The following ATG4D variants were observed in gnomAD, a reference collection of about 807,000 sequenced individuals.
ATG4D encodes the protein autophagy related 4D cysteine peptidase.
Under a neutral mutation model 55.2 loss-of-function variants are expected in ATG4D, and 51 were observed. The observed-to-expected ratio is 0.92, with a 90% CI of 0.74 to 1.17. The LOEUF (loss-of-function observed/expected upper bound fraction) is 1.17, where lower values mean the gene tolerates loss of function less well. ATG4D is among the 50% of genes most tolerant of loss of function. The pLI, the probability that ATG4D is intolerant of heterozygous loss-of-function variation, is 0.00. For synonymous variants in ATG4D, 268 were observed against 266.2 expected (o/e 1.01, Z -0.07); for missense variants, 635 against 649.6 (o/e 0.98, Z 0.25).
At position 10,544,293 on chromosome 19, in the gene ATG4D, A is replaced by C. The variant is rs750045185; in HGVS notation, c.203A>C (p.Lys68Thr). ...GACGAAGTGGACAAGTTCAAGGCCA[A>C]GTTCCTGACAGCCTGGAACAACGTC... ...EPDEVDKFKA[K>T]FLTAWNNVKY... Residue 68 changes from lysine to threonine, a missense_variant, in exon 1 of 10, where the codon AAG (lysine) becomes ACG (threonine). By Grantham distance (78) the Lys-to-Thr change is moderately conservative (BLOSUM62 -1). Coordinates refer to ENST00000309469, the MANE Select transcript of ATG4D (RefSeq NM_032885.6). 56 of 1,298,204 alleles carry C rather than the reference A, an allele frequency of 4.3e-5. No individual in the cohort carries two copies. The East Asian group carries it at 1.6e-3, about 37-fold the overall frequency. 80.4% of individuals were successfully genotyped at this position (1,298,204 alleles called of 1,614,324 possible).
In ATG4D at chr19:10,544,245, C is replaced by G. The variant is rs1915959394; in HGVS notation, c.155C>G (p.Pro52Arg). 1.6e-6 allele frequency: 2 copies of G among 1,260,884 alleles called. No homozygotes were observed. The highest frequency in any genetic ancestry group is 2.0e-6 in the Non-Finnish European group (2 of 994,706). The allele number at this position is 1,260,884 out of a possible 1,614,324, so 78.1% of individuals were successfully genotyped here. A position where few individuals can be genotyped will look rare whatever the true frequency, so the allele number is the denominator to read the frequency against. The change falls in exon 1 of 10, where the codon CCC (proline) becomes CGC (arginine). Residue 52 changes from proline to arginine, a missense_variant. By Grantham distance (103) the Pro-to-Arg change is moderately radical. Transcript: ENST00000309469. ...GCCAGCGGCCCCGCTCTTGGCTCTCCCGGGGCTGGCCCGAGTGAGCCGGAC... is the reference window on the plus strand; with the variant it reads ...GCCAGCGGCCCCGCTCTTGGCTCTCGCGGGGCTGGCCCGAGTGAGCCGGAC... ...SGASGPALGS[P>R]GAGPSEPDEV...
chr19:10,544,582 C>A (rs1397313293), intron 1 of ATG4D: 2 of 1,159,672 alleles, frequency 1.7e-6, no homozygotes, highest in Non-Finnish European at 2.3e-6. Context: ...GTACAATAAT[C>A]AGAACTACCT....
At chr19:10,546,221 G>A (rs918940925) in intron 3 of ATG4D, among the ~76,000 whole-genome samples, 8 of 151,986 alleles carry the variant, frequency 5.3e-5, no homozygotes, top group African/African-American at 1.9e-4. Context: ...CTACTCAGGA[G>A]GCTGAGGCGG....
At chr19:10,550,686 CTT>C (rs759958331) in intron 6 of ATG4D, among the ~76,000 whole-genome samples, 1 of 147,354 alleles carries the variant, frequency 6.8e-6, no homozygotes, top group African/African-American at 2.5e-5. Context: ...TTGGAGCACT[CTT>C]TCAGCAGTGA....
At chr19:10,549,738 C>T (rs555053021) in intron 6 of ATG4D, among the ~76,000 whole-genome samples, 1 of 151,490 alleles carries the variant, frequency 6.6e-6, no homozygotes, top group African/African-American at 2.4e-5. Flanking sequence ...TTTTTTTATA[C>T]TATGCAGCAC....
At position 10,553,092 on chromosome 19, in the gene ATG4D, C is replaced by T; in HGVS notation, c.*25C>T. 6.4e-7 allele frequency: 1 copy of T among 1,569,082 alleles called. No individual in the cohort carries two copies. ...AAGGGAGGGGATGAGGGGAAAGATA[C>T]AACACTATTTATTTTTTTATTTATG... On this transcript the variant is annotated 3_prime_UTR_variant, in exon 10 of 10. Coordinates refer to ENST00000309469, the MANE Select transcript of ATG4D (RefSeq NM_032885.6).
Position 10,545,001 on chromosome 19 carries a change from C to T in ATG4D, c.364C>T (p.Leu122Phe), listed in dbSNP as rs762013772. 3.1e-6 allele frequency: 5 copies of T among 1,606,390 alleles called. No homozygotes were observed. Among genetic ancestry groups the T allele is most frequent in the South Asian group, 1.1e-5 (1 of 90,308 alleles). ...FQRDFVSRLW[L>F]TYRRDFPPLP... ...GCGGGACTTTGTGTCCCGCCTGTGGCTCACATACCGCCGGGACTTCCCGCC... is the reference window on the plus strand; with the variant it reads ...GCGGGACTTTGTGTCCCGCCTGTGGTTCACATACCGCCGGGACTTCCCGCC... Residue 122 changes from leucine to phenylalanine, a missense_variant, in exon 3 of 10, where the codon CTC (leucine) becomes TTC (phenylalanine). Leu to Phe is a conservative substitution (Grantham distance 22). Transcript: ENST00000309469.
At chr19:10,551,034 G>C (rs983971659) in intron 6 of ATG4D, 1 of 152,066 alleles carries the variant, frequency 6.6e-6, no homozygotes, top group Admixed American at 6.6e-5. Flanking sequence ...TTTTGCGTGG[G>C]GGGTTTTCCA....
In ATG4D at chr19:10,543,928, G is replaced by C; in HGVS notation, c.-163G>C. On this transcript the variant is annotated 5_prime_UTR_variant, in exon 1 of 10. An upstream start codon of the reference 5' UTR is lost. Coordinates refer to ENST00000309469, the MANE Select transcript of ATG4D (RefSeq NM_032885.6). Reference sequence around the variant, plus strand: ...GGTCCTGGCCCGCTAAGATGGCGATGGCTGCGGTAGCAGCGGCGGCGGCTG... The same window carrying C: ...GGTCCTGGCCCGCTAAGATGGCGATCGCTGCGGTAGCAGCGGCGGCGGCTG... 2.4e-6 allele frequency: 1 copy of C among 420,872 alleles called. No homozygotes were observed. Among genetic ancestry groups the C allele is most frequent in the Non-Finnish European group, 4.0e-6 (1 of 252,596 alleles). 26.1% of individuals were successfully genotyped at this position (420,872 alleles called of 1,614,324 possible).
At position 10,544,044 on chromosome 19, in the gene ATG4D, G is replaced by A; in HGVS notation, c.-47G>A. On this transcript the variant is annotated 5_prime_UTR_variant, in exon 1 of 10. Transcript: ENST00000309469. ...TGCGGGTCGCCCTTGGGGGGCAGCG[G>A]CCGCAGCCCCCCACCTGGGCCCTCG... 4.1e-6 allele frequency: 5 copies of A among 1,205,120 alleles called. No individual in the cohort carries two copies. The South Asian group carries it at 2.2e-4, about 52-fold the overall frequency. The allele number at this position is 1,205,120 out of a possible 1,614,324, so 74.7% of individuals were successfully genotyped here.
At chr19:10,551,647 C>T (rs1916234941) in intron 6 of ATG4D, among the ~76,000 whole-genome samples, 1 of 148,868 alleles carries the variant, frequency 6.7e-6, no homozygotes, top group Non-Finnish European at 1.5e-5. Flanking sequence ...TTGCGGTGAG[C>T]CAATTGGGCC....
chr19:10,547,719 G>A (rs1916084488), intron 5 of ATG4D, among the ~76,000 whole-genome samples: 2 of 150,758 alleles, frequency 1.3e-5, no homozygotes, highest in Admixed American at 6.6e-5. Context: ...GATCACCTGA[G>A]GTCAGGTCAC....
Position 10,552,221 on chromosome 19 carries a change from C to T in ATG4D, c.1139C>T (p.Ser380Leu), listed in dbSNP as rs766736761. Reference sequence around the variant, plus strand: ...CTGCCCCAGTCCTTCCACTGCACCTCGCCCCGCAAGATGGCCTTTGCCAAG... The same window carrying T: ...CTGCCCCAGTCCTTCCACTGCACCTTGCCCCGCAAGATGGCCTTTGCCAAG... ...DFPLESFHCT[S>L]PRKMAFAKMD... The change falls in exon 9 of 10, where the codon TCG becomes TTG. Residue 380 changes from serine to leucine, a missense_variant. Physicochemically the swap from Ser to Leu is moderately radical, Grantham distance 145. Coordinates refer to ENST00000309469, the MANE Select transcript of ATG4D (RefSeq NM_032885.6). The T allele has an allele frequency of 3.4e-5, 55 of 1,612,930 alleles. No homozygotes were observed. In the South Asian group the frequency reaches 4.8e-4, roughly 14 times the overall value.
chr19:10,544,061 G>A lies in ATG4D; in HGVS notation c.-30G>A, dbSNP rs1414945917. On this transcript the variant is annotated 5_prime_UTR_variant, in exon 1 of 10. Coordinates refer to ENST00000309469, the MANE Select transcript of ATG4D (RefSeq NM_032885.6). ...GGGCAGCGGCCGCAGCCCCCCACCT[G>A]GGCCCTCGGTCCGCCCTCCCGGCGC... The A allele has an allele frequency of 4.1e-6, 5 of 1,225,884 alleles. No homozygotes were observed. Among genetic ancestry groups the A allele is most frequent in the Non-Finnish European group, 5.1e-6 (5 of 979,370 alleles). The allele number at this position is 1,225,884 out of a possible 1,614,324, so 75.9% of individuals were successfully genotyped here.
chr19:10,547,137 A>T (rs1916061281), intron 4 of ATG4D, 22 bp downstream of exon 4: 1 of 1,609,906 alleles, frequency 6.2e-7, no homozygotes, highest in African/African-American at 1.3e-5. Flanking sequence ...TGCAGGGATC[A>T]CGGGAGTTGC....
chr19:10,544,079 C>T lies in ATG4D; in HGVS notation c.-12C>T, dbSNP rs1915951042. 2 of 1,236,028 alleles carry T rather than the reference C, an allele frequency of 1.6e-6. No individual in the cohort carries two copies. The highest frequency in any genetic ancestry group is 1.0e-6 in the Non-Finnish European group (1 of 984,618). The allele number at this position is 1,236,028 out of a possible 1,614,324, so 76.6% of individuals were successfully genotyped here. A position where few individuals can be genotyped will look rare whatever the true frequency, so the allele number is the denominator to read the frequency against. ...CCCACCTGGGCCCTCGGTCCGCCCTCCCGGCGCGTCCATGAACTCAGTGTC... is the reference window on the plus strand; with the variant it reads ...CCCACCTGGGCCCTCGGTCCGCCCTTCCGGCGCGTCCATGAACTCAGTGTC... On this transcript the variant is annotated 5_prime_UTR_variant, in exon 1 of 10. Transcript: ENST00000309469.
intron 6 of ATG4D, among the ~76,000 whole-genome samples, chr19:10,550,274 T>C (rs1172131779): frequency 6.6e-6 from 1 of 151,890 alleles, no homozygotes; most frequent in African/African-American, 2.4e-5. Context: ...TCCCAAAGCG[T>C]TGGGATTACA....
intron 6 of ATG4D, among the ~76,000 whole-genome samples, chr19:10,551,330 C>T (rs906422232): frequency 1.1e-4 from 17 of 152,034 alleles, no homozygotes; most frequent in African/African-American, 3.4e-4. Context: ...GGCGTGGTGG[C>T]GGGCGCCTGT....
At chr19:10,550,118 C>G (rs1401240385) in intron 6 of ATG4D, among the ~76,000 whole-genome samples, 1 of 152,010 alleles carries the variant, frequency 6.6e-6, no homozygotes, top group East Asian at 1.9e-4. Flanking sequence ...AGCAAATTTC[C>G]TGCCTCAGCC....
Sources: allele counts gnomAD v4.1 joint callset (sites outside exome capture counted in the v4.1 genomes callset), GRCh38; gene constraint gnomAD v4.1.1; transcripts MANE v1.5; gene names NCBI Gene and HGNC (gene_info 2026-07-23, HGNC 2026-07-21).